The following PTTG1IP2 variants were observed in gnomAD, a reference collection of about 807,000 sequenced individuals.
The protein encoded by PTTG1IP2 is PTTG1IP family member 2.
chr7:90,509,654 C>G (rs565833770), intron 6 of PTTG1IP2, among the ~76,000 whole-genome samples: 1 of 152,172 alleles, frequency 6.6e-6, no homozygotes, highest in South Asian at 2.1e-4. Flanking sequence ...AAACATGAAG[C>G]CAGGGGTGTG....
chr7:90,494,893 C>A (rs569731030), intron 6 of PTTG1IP2, among the ~76,000 whole-genome samples: 1 of 152,212 alleles, frequency 6.6e-6, no homozygotes, highest in East Asian at 1.9e-4. Context: ...GCCTGTAGTC[C>A]CAGCTCCTCA....
chr7:90,478,538 T>G (rs1325675561), intron 1 of PTTG1IP2, among the ~76,000 whole-genome samples: 1 of 152,208 alleles, frequency 6.6e-6, no homozygotes, highest in African/African-American at 2.4e-5. Context: ...ATAGAAAGAT[T>G]TGACCTTTCC....
chr7:90,504,251 G>A (rs1189083834), intron 6 of PTTG1IP2, among the ~76,000 whole-genome samples: 5 of 152,004 alleles, frequency 3.3e-5, no homozygotes, highest in Non-Finnish European at 7.4e-5. Flanking sequence ...GGGAAGCAGA[G>A]GTTGCAGTGA....
At chr7:90,487,882 CCTGGT>C (rs1380389734) in intron 3 of PTTG1IP2, among the ~76,000 whole-genome samples, 2 of 152,018 alleles carry the variant, frequency 1.3e-5, no homozygotes, top group Non-Finnish European at 2.9e-5. Context: ...ATAAGCTAGT[CCTGGT>C]CTGAGGATAT....
chr7:90,505,847 G>T (rs1261784541), intron 6 of PTTG1IP2, among the ~76,000 whole-genome samples: 1 of 151,780 alleles, frequency 6.6e-6, no homozygotes, highest in Non-Finnish European at 1.5e-5. Flanking sequence ...AGCCGGGCGC[G>T]GTGGCGGGCG....
chr7:90,505,439 A>G (rs1416312997), intron 6 of PTTG1IP2, among the ~76,000 whole-genome samples: 2 of 152,232 alleles, frequency 1.3e-5, no homozygotes, highest in Non-Finnish European at 2.9e-5. Flanking sequence ...AGAATTAAAG[A>G]GAAGCCTTTA....
chr7:90,512,533 A>G (rs1798202200), intron 6 of PTTG1IP2, among the ~76,000 whole-genome samples: 1 of 152,184 alleles, frequency 6.6e-6, no homozygotes, highest in South Asian at 2.1e-4. Context: ...TTGTGGCTAT[A>G]GAAATATTCG....
chr7:90,474,769 A>T (rs1453195822), intron 1 of PTTG1IP2, among the ~76,000 whole-genome samples: 1 of 152,196 alleles, frequency 6.6e-6, no homozygotes, highest in Non-Finnish European at 1.5e-5. Flanking sequence ...ATATACATAC[A>T]CCTAAATCTT....
chr7:90,508,670 T>C (rs1053715297), intron 6 of PTTG1IP2, among the ~76,000 whole-genome samples: 6 of 152,238 alleles, frequency 3.9e-5, no homozygotes, highest in African/African-American at 1.4e-4. Context: ...GGACTTTACA[T>C]GTGTTAACTC....
At chr7:90,483,943 T>A (rs1199358841) in intron 2 of PTTG1IP2, among the ~76,000 whole-genome samples, 1 of 152,140 alleles carries the variant, frequency 6.6e-6, no homozygotes, top group South Asian at 2.1e-4. Context: ...ACAACCTGCA[T>A]ATAAAGAAAT....
rs1381484469 is a variant in PTTG1IP2, at chr7:90,494,400, C to T, written c.*20C>T. On this transcript the variant is annotated 3_prime_UTR_variant, in exon 6 of 7. Coordinates refer to ENST00000509356, the MANE Select transcript of PTTG1IP2 (RefSeq NM_001365443.2). ...GAATAGATAATTGAAAAGAGATCCT[C>T]CAGAAAGAGCAGAAGGAAGTTTCTT... The T allele has an allele frequency of 6.6e-6, 1 of 152,030 alleles. No individual in the cohort carries two copies. The highest frequency in any genetic ancestry group is 2.4e-5 in the African/African-American group (1 of 41,372). 9.4% of individuals were successfully genotyped at this position (152,030 alleles called of 1,614,324 possible). A position where few individuals can be genotyped will look rare whatever the true frequency, so the allele number is the denominator to read the frequency against.
At chr7:90,472,867 G>A (rs1055602096) in intron 1 of PTTG1IP2, among the ~76,000 whole-genome samples, 9 of 152,184 alleles carry the variant, frequency 5.9e-5, no homozygotes, top group African/African-American at 2.2e-4. Flanking sequence ...CAGCAGGCAG[G>A]TATTAGGAGG....
intron 6 of PTTG1IP2, among the ~76,000 whole-genome samples, chr7:90,512,289 A>T (rs1455790755): frequency 6.6e-6 from 1 of 152,190 alleles, no homozygotes; most frequent in African/African-American, 2.4e-5. Context: ...CAAAGCCAAT[A>T]ATTTAAAATT....
In PTTG1IP2 at chr7:90,504,184, G is replaced by A. The variant is rs17867283; in HGVS notation, c.*51-9094G>A. Reference sequence around the variant, plus strand: ...ACAAAATAATTAGCTGGGCATGGTGGTGGGTGCCTGTAATCTCAGCTACTC... The same window carrying A: ...ACAAAATAATTAGCTGGGCATGGTGATGGGTGCCTGTAATCTCAGCTACTC... On this transcript the variant is annotated intron_variant, in intron 6 of 6. Transcript: ENST00000509356. 5.4e-3 allele frequency among the ~76,000 whole-genome samples: 817 copies of A among 152,198 alleles called. 9 individuals carry two copies. Among genetic ancestry groups the A allele is most frequent in the African/African-American group, 0.019 (781 of 41,500 alleles).
At chr7:90,486,363 G>C (rs929132446) in intron 2 of PTTG1IP2, among the ~76,000 whole-genome samples, 1 of 126,994 alleles carries the variant, frequency 7.9e-6, no homozygotes, top group Non-Finnish European at 1.8e-5. Flanking sequence ...GGGTTGTCAT[G>C]AGTATGAAGT....
chr7:90,496,554 C>T (rs956408305), intron 6 of PTTG1IP2, among the ~76,000 whole-genome samples: 1 of 151,908 alleles, frequency 6.6e-6, no homozygotes, highest in African/African-American at 2.4e-5. Context: ...AAGGGCTGAC[C>T]ATTTTGTTTA....
chr7:90,489,659 A>C lies in PTTG1IP2; in HGVS notation c.380+695A>C, dbSNP rs1295804567. Reference sequence around the variant, plus strand: ...TTATATCTTGAAATGCTTACTCTATAATTTCACTCTAAAATTTGTTAACTA... The same window carrying C: ...TTATATCTTGAAATGCTTACTCTATCATTTCACTCTAAAATTTGTTAACTA... On this transcript the variant is annotated intron_variant, in intron 4 of 6. Transcript: ENST00000509356. Among the ~76,000 whole-genome samples the C allele has an allele frequency of 2.0e-5, 3 of 151,840 alleles. No individual in the cohort carries two copies. In the East Asian group the frequency reaches 5.8e-4, roughly 29 times the overall value.
chr7:90,510,033 A>T (rs1798168796), intron 6 of PTTG1IP2, among the ~76,000 whole-genome samples: 2 of 152,182 alleles, frequency 1.3e-5, no homozygotes, highest in Admixed American at 6.5e-5. Flanking sequence ...AGAATCATAT[A>T]CCATAAATGT....
chr7:90,497,585 A>G (rs906821367), intron 6 of PTTG1IP2, among the ~76,000 whole-genome samples: 6 of 146,406 alleles, frequency 4.1e-5, no homozygotes, highest in Non-Finnish European at 9.0e-5. Context: ...AAAAAAAAAA[A>G]GTTAAAAAGT....
Sources: gnomAD v4.1 joint callset for allele counts (sites outside exome capture counted in the v4.1 genomes callset) on GRCh38, gnomAD v4.1.1 for gene constraint, MANE v1.5 for transcripts, NCBI Gene and HGNC (gene_info 2026-07-23, HGNC 2026-07-21) for gene names.